TTN: variants seen among roughly 807,000 people sequenced by gnomAD.
TTN encodes connectin.
A neutral mutation model predicts 3,223.0 loss-of-function variants in TTN; 1,525 were observed. The ratio of observed to expected loss-of-function variants is 0.47; its 90% CI spans 0.45 to 0.49. The LOEUF (loss-of-function observed/expected upper bound fraction) is 0.49. Among genes scored for constraint, TTN ranks in the 20% least tolerant of loss-of-function variants. The pLI is 0.00. For missense variants in TTN, 40,786 were observed against 43,424.0 expected, an observed-to-expected ratio of 0.94 and a Z score of 5.40; for synonymous variants, 14,094 against 15,161.0, an observed-to-expected ratio of 0.93 and a Z score of 5.17.
chr2:178,757,084 G>T (rs567922941), intron 45 of TTN, among the ~76,000 whole-genome samples: 4 of 142,716 alleles, frequency 2.8e-5, no homozygotes, highest in Admixed American at 7.1e-5. Flanking sequence ...GACCCAGTCT[G>T]TCTTTCTCTC....
Position 178,732,106 on chromosome 2 carries a change from C to T in TTN, c.16863G>A (p.Glu5621=), listed in dbSNP as rs727504441. 112 of 1,612,632 alleles carry T rather than the reference C, an allele frequency of 6.9e-5. No homozygotes were observed. The highest frequency in any genetic ancestry group is 9.2e-5 in the Non-Finnish European group (108 of 1,179,044). The change falls in exon 57 of 363, where the codon GAG becomes GAA. Residue 5621 remains glutamate, a synonymous_variant. Coordinates refer to ENST00000589042, the MANE Select transcript of TTN (RefSeq NM_001267550.2). ...TGCTACTGCAGTGGTCACTGCCAGCCTCATTTTGGGCCTCACACATATATT... is the reference window on the plus strand; with the variant it reads ...TGCTACTGCAGTGGTCACTGCCAGCTTCATTTTGGGCCTCACACATATATT... ...SGEYMCEAQN[E]AGSDHCSSIV... is the part of the protein sequence containing the mutation.
Position 178,576,181 on chromosome 2 carries a change from A to G in TTN, c.69951T>C (p.Ser23317=), listed in dbSNP as rs1165001201. 1 of 1,612,966 alleles carries G rather than the reference A, an allele frequency of 6.2e-7. No homozygotes were observed. Among genetic ancestry groups the G allele is most frequent in the South Asian group, 1.1e-5 (1 of 90,964 alleles). Residue 23317 remains serine (S), a synonymous_variant, in exon 326 of 363, where the codon AGT becomes AGC. Transcript: ENST00000589042. This position sits in a 1 kb window ranked among gnomAD's most constrained non-coding sequence, Gnocchi z 4.3. Reference sequence around the variant, plus strand: ...CCCCAACACCTGCATCGTTGATGGCACTGATTCTGAAGTTGTATTTTTCTT... The same window carrying G: ...CCCCAACACCTGCATCGTTGATGGCGCTGATTCTGAAGTTGTATTTTTCTT... ...QTKEKYNFRI[S]AINDAGVGEP...
chr2:178,780,261 C>A (rs2092645794), intron 21 of TTN, 56 bp from the exon 22 acceptor site: 2 of 1,468,820 alleles, frequency 1.4e-6, no homozygotes, highest in Non-Finnish European at 1.9e-6. Context: ...AACAGTCATA[C>A]CACTATGCAT....
Position 178,607,151 on chromosome 2 carries a change from A to T in TTN, c.53451T>A (p.Thr17817=), listed in dbSNP as rs2055081925. The change falls in exon 278 of 363, where the codon ACT becomes ACA. Residue 17817 remains threonine (T), a synonymous_variant. Coordinates refer to ENST00000589042, the MANE Select transcript of TTN (RefSeq NM_001267550.2). ...CTGTGATGTCACATTTAGATCTCTC[A>T]GTCTCTATTGGTTGTCTCCAAGTAT... The part of the protein sequence containing the change: ...KMHTWRQPIE[T]ERSKCDITGL... The T allele has an allele frequency of 6.2e-6, 10 of 1,612,970 alleles. No individual in the cohort carries two copies. Among genetic ancestry groups the T allele is most frequent in the Non-Finnish European group, 8.5e-6 (10 of 1,179,284 alleles).
In TTN at chr2:178,701,529, T is replaced by G. The variant is rs745775051; in HGVS notation, c.30597A>C (p.Glu10199Asp). Reference sequence around the variant, plus strand: ...AGATGTTGAGGTTCTGGGTCTTACCTTCTGGTGGCACTGCTCTGATAGGCA... The same window carrying G: ...AGATGTTGAGGTTCTGGGTCTTACCGTCTGGTGGCACTGCTCTGATAGGCA... Reference protein sequence around the residue: ...PTMPIRAVPPEEIPPVVAPPI... With the variant: ...PTMPIRAVPPDEIPPVVAPPI... Residue 10199 changes from glutamate to aspartate, a missense_variant and splice_region_variant, in exon 110 of 363, where the codon GAA (glutamate) becomes GAC (aspartate). Glu to Asp is a conservative substitution (Grantham distance 45). Transcript: ENST00000589042. 6.2e-7 allele frequency: 1 copy of G among 1,612,812 alleles called. No individual in the cohort carries two copies. The highest frequency in any genetic ancestry group is 2.2e-5 in the East Asian group (1 of 44,850).
rs2053372615 is a variant in TTN, at chr2:178,601,261, T to C, written c.55732+4A>G. 1 of 1,533,736 alleles carries C rather than the reference T, an allele frequency of 6.5e-7. No homozygotes were observed. Among genetic ancestry groups the C allele is most frequent in the East Asian group, 2.3e-5 (1 of 43,896 alleles). On this transcript the variant is annotated splice_donor_region_variant and intron_variant, in intron 287 of 362. Transcript: ENST00000589042. ...ATATTTTAAATTTAGATTTTAAAGC[T>C]TACATATCGGATCTCTGGCAGTGGT...
chr2:178,747,075 G>T lies in TTN; in HGVS notation c.11312-5154C>A, dbSNP rs1421713147. ...TATCTCTCTAGTGCCTCCCCTGGGG[G>T]TGTGGAATATCGCTCTAGAGTCTCT... is the stretch of plus-strand genomic sequence containing the variant. On this transcript the variant is annotated intron_variant, in intron 47 of 362. Transcript: ENST00000589042. The T allele has an allele frequency of 2.5e-6, 4 of 1,612,642 alleles. No homozygotes were observed. The Admixed American group carries it at 5.0e-5, about 20-fold the overall frequency.
In TTN at chr2:178,770,582, C is replaced by A. The variant is rs1308651047; in HGVS notation, c.8210G>T (p.Gly2737Val). 1.2e-6 allele frequency: 2 copies of A among 1,614,138 alleles called. No individual in the cohort carries two copies. The highest frequency in any genetic ancestry group is 3.3e-5 in the Admixed American group (2 of 60,014). ...TVELTHPNVK[G>V]VQWIKNGVVL... ...AACTCCATTTTTGATCCACTGGACA[C>A]CTTTGACATTAGGGTGTGTAAGCTC... Residue 2737 changes from glycine to valine, a missense_variant, in exon 35 of 363, where the codon GGT becomes GTT. Gly to Val is a moderately radical substitution (Grantham distance 109). Transcript: ENST00000589042.
At position 178,593,466 on chromosome 2, in the gene TTN, T is replaced by A. The variant is rs1421309086; in HGVS notation, c.58742A>T (p.Asp19581Val). Residue 19581 changes from aspartate (D) to valine (V), a missense_variant, in exon 299 of 363, where the codon GAT (aspartate) becomes GTT (valine). Transcript: ENST00000589042. Reference sequence around the variant, plus strand: ...TGTAACAATTGGCTGATCAGGTGCATCAGGAACCCCTGTAACAAATGTTGG... The same window carrying A: ...TGTAACAATTGGCTGATCAGGTGCAACAGGAACCCCTGTAACAAATGTTGG... ...MKAKDRFRVP[D>V]APDQPIVTEV... 6.2e-7 allele frequency: 1 copy of A among 1,609,414 alleles called. No homozygotes were observed. The highest frequency in any genetic ancestry group is 1.3e-5 in the African/African-American group (1 of 74,652).
At position 178,618,893 on chromosome 2, in the gene TTN, A is replaced by T. The variant is rs770630975; in HGVS notation, c.46697-40T>A. The T allele has an allele frequency of 4.4e-5, 70 of 1,590,332 alleles. 1 individual carries two copies. Among genetic ancestry groups the T allele is most frequent in the Non-Finnish European group, 5.6e-5 (66 of 1,173,664 alleles). On this transcript the variant is annotated intron_variant, in intron 250 of 362. Coordinates refer to ENST00000589042, the MANE Select transcript of TTN (RefSeq NM_001267550.2). Reference sequence around the variant, plus strand: ...AACATGTGAACGCTTTCGACTATTAAACGTAGCCAAGCTACATCATGTTAT... The same window carrying T: ...AACATGTGAACGCTTTCGACTATTATACGTAGCCAAGCTACATCATGTTAT...
At chr2:178,610,455 C>T (rs2056043227) in intron 270 of TTN, 66 bp from the exon 271 acceptor site, 2 of 1,524,610 alleles carry the variant, frequency 1.3e-6, no homozygotes, top group African/African-American at 2.8e-5. Flanking sequence ...ATGCACTTGT[C>T]TCTAAGTGGG....
intron 13 of TTN, among the ~76,000 whole-genome samples, chr2:178,786,951 A>C (rs1197278516): frequency 7.9e-5 from 12 of 152,210 alleles, no homozygotes; most frequent in Admixed American, 7.2e-4. Flanking sequence ...TACAATTTGC[A>C]GAGGAGGTTC....
rs762765150 is a variant in TTN, at chr2:178,621,439, TTAGAAATAAA to T, written c.45349+26_45349+35del. 0.041 allele frequency: 65,583 copies of T among 1,608,736 alleles called. 3,148 individuals are homozygous for T. Among genetic ancestry groups the T allele is most frequent in the Admixed American group, 0.18 (10,511 of 58,916 alleles). The stretch of plus-strand genomic sequence containing the variant: ...CTTTAAATCTAGCAAGTGTGAATTG[TTAGAAATAAA>T]AGATTATTCACTGTAGTTTTCATAC... On this transcript the variant is annotated intron_variant, in intron 245 of 362. Coordinates refer to ENST00000589042, the MANE Select transcript of TTN (RefSeq NM_001267550.2).
chr2:178,558,868 T>A (rs1702490831), intron 326 of TTN: 1 of 512,976 alleles, frequency 1.9e-6, no homozygotes. Context: ...AATGACCAGA[T>A]TAAATGATAA....
Position 178,719,817 on chromosome 2 carries a change from A to G in TTN, c.23675T>C (p.Ile7892Thr), listed in dbSNP as rs201181445. 7.5e-5 allele frequency: 120 copies of G among 1,608,584 alleles called. 1 individual carries two copies. The highest frequency in any genetic ancestry group is 8.0e-5 in the African/African-American group (6 of 74,836). Residue 7892 changes from isoleucine to threonine, a missense_variant, in exon 82 of 363, where the codon ATA (isoleucine) becomes ACA (threonine). Coordinates refer to ENST00000589042, the MANE Select transcript of TTN (RefSeq NM_001267550.2). ...GACAGTCATGGGTTCGGGCTTCTCT[A>G]TGATTCTTGCTGGTTCTAAAAGAAG... ...VLTVLEPARI[I>T]EKPEPMTVTT...
Position 178,618,758 on chromosome 2 carries a change from C to T in TTN, c.46792G>A (p.Glu15598Lys). 1 of 1,611,736 alleles carries T rather than the reference C, an allele frequency of 6.2e-7. No homozygotes were observed. The highest frequency in any genetic ancestry group is 1.1e-5 in the South Asian group (1 of 91,012). Residue 15598 changes from glutamate to lysine, a missense_variant, in exon 251 of 363, where the codon GAA becomes AAA. Glu to Lys is a moderately conservative substitution (Grantham distance 56). Transcript: ENST00000589042. ...TCATTTTCTTTAAACCATTCAGCTT[C>T]TGCTTTGGGGTAGGCATCATATGGC... ...VVPYDAYPKA[E>K]AEWFKENEPL...
Position 178,704,591 on chromosome 2 carries a change from T to C in TTN, c.29881A>G (p.Lys9961Glu), listed in dbSNP as rs745410947. The change falls in exon 105 of 363, where the codon AAA becomes GAA. Residue 9961 changes from lysine (K) to glutamate (E), a missense_variant. Transcript: ENST00000589042. The part of the protein sequence containing the change: ...IDGDRHTLRV[K>E]NCQLKDQGNY... ...CCCTGGTCTTTAAGTTGACAGTTTT[T>C]GACTCTGAGTGTATGTCGGTCACCA... 6.2e-7 allele frequency: 1 copy of C among 1,613,314 alleles called. No individual in the cohort carries two copies. Among genetic ancestry groups the C allele is most frequent in the South Asian group, 1.1e-5 (1 of 90,936 alleles).
Position 178,729,101 on chromosome 2 carries a change from T to C in TTN, c.18937A>G (p.Ser6313Gly), listed in dbSNP as rs767114791. Residue 6313 changes from serine to glycine, a missense_variant, in exon 65 of 363, where the codon AGT (serine) becomes GGT (glycine). Transcript: ENST00000589042. ...ATAGGAGGAGAACCTGCCACGGTAC[T>C]CTGAAAGGTGGCAGAACTTTTCAAA... ...TVLKSSATFQ[S>G]TVAGSPPISI... 1 of 1,611,122 alleles carries C rather than the reference T, an allele frequency of 6.2e-7. No homozygotes were observed.
At chr2:178,536,627 T>G in intron 356 of TTN, 52 bp from the exon 357 acceptor site, 3 of 1,406,242 alleles carry the variant, frequency 2.1e-6, no homozygotes, top group Non-Finnish European at 2.8e-6. Context: ...GCAGCTTTAT[T>G]AAAGCTTATT....
Sources: gnomAD v4.1 joint callset for allele counts (sites outside exome capture counted in the v4.1 genomes callset) on GRCh38, gnomAD v4.1.1 for gene constraint, Gnocchi (gnomAD v3.1) non-coding constraint, MANE v1.5 for transcripts, NCBI Gene and HGNC (gene_info 2026-07-23, HGNC 2026-07-21) for gene names.